Variants in DGKI observed in about 807,000 individuals in gnomAD.
DGKI encodes the protein DAG kinase iota.
A neutral mutation model predicts 147.5 loss-of-function variants in DGKI; 55 were observed. The observed-to-expected ratio is 0.37, with a 90% confidence interval of 0.30 to 0.47. The LOEUF (loss-of-function observed/expected upper bound fraction) is 0.47. DGKI is among the 20% of genes least tolerant of loss of function. The pLI, the probability that DGKI is intolerant of heterozygous loss-of-function variation, is 1.00. For synonymous variants in DGKI, 469 were observed against 477.1 expected (o/e 0.98, Z 0.22); for missense variants, 1,007 against 1,323.8 (o/e 0.76, Z 3.71).
chr7:137,396,459 T>C (rs1811556386), intron 31 of DGKI, among the ~76,000 whole-genome samples: 1 of 152,240 alleles, frequency 6.6e-6, no homozygotes, highest in South Asian at 2.1e-4. Context: ...ACCAAGATGC[T>C]TAACGCCAAA....
chr7:137,401,630 T>G (rs933050865), intron 30 of DGKI, among the ~76,000 whole-genome samples: 2 of 152,214 alleles, frequency 1.3e-5, no homozygotes, highest in Admixed American at 6.5e-5. Context: ...GCAGACACTA[T>G]GCCATCTCCC....
chr7:137,618,908 TA>T (rs747622611), intron 8 of DGKI, among the ~76,000 whole-genome samples: 1 of 152,204 alleles, frequency 6.6e-6, no homozygotes, highest in Non-Finnish European at 1.5e-5. Context: ...CAACAGAGTC[TA>T]AACTTTATAT....
At chr7:137,512,471 TCTAA>T (rs1392390175) in intron 21 of DGKI, among the ~76,000 whole-genome samples, 1 of 152,202 alleles carries the variant, frequency 6.6e-6, no homozygotes, top group East Asian at 1.9e-4. Context: ...CAAAGGGAAG[TCTAA>T]CTACCATCTG....
chr7:137,687,809 T>C (rs142205679), intron 2 of DGKI, among the ~76,000 whole-genome samples: 2 of 152,272 alleles, frequency 1.3e-5, no homozygotes, highest in Non-Finnish European at 2.9e-5. Context: ...CCACCATTGT[T>C]AGATGTCAGC....
chr7:137,502,605 AAAT>A (rs1304203935), intron 21 of DGKI, among the ~76,000 whole-genome samples: 1 of 152,110 alleles, frequency 6.6e-6, no homozygotes. Context: ...ACGTTCACAT[AAAT>A]AATATACCAG....
At position 137,716,909 on chromosome 7, in the gene DGKI, A is replaced by T. The variant is rs572710986; in HGVS notation, c.402-26907T>A. On this transcript the variant is annotated intron_variant, in intron 1 of 32. Coordinates refer to ENST00000614521, the MANE Select transcript of DGKI (RefSeq NM_001321708.2). ...TTTTTCCACCCGTGTTTTTTACTCC[A>T]TTCCTACCTGACTCTTACAGAACTT... is the stretch of plus-strand genomic sequence containing the variant. 2.0e-5 allele frequency among the ~76,000 whole-genome samples: 3 copies of T among 152,302 alleles called. No homozygotes were observed. In the South Asian group the frequency reaches 6.2e-4, roughly 32 times the overall value.
In DGKI at chr7:137,706,499, TATTTTATTTTATTTC is replaced by T. The variant is rs1366798494; in HGVS notation, c.402-16512_402-16498del. Among the ~76,000 whole-genome samples the T allele has an allele frequency of 2.6e-3, 389 of 149,158 alleles. 4 individuals carry two copies. The East Asian group carries it at 0.029, about 11-fold the overall frequency. Reference sequence around the variant, plus strand: ...ATCCTTATTTTATTTTATTTTATTTTATTTTATTTTATTTCATTTTATTTTATTTCATTTTATTTC... The same window carrying T: ...ATCCTTATTTTATTTTATTTTATTTTATTTTATTTTATTTCATTTTATTTC... On this transcript the variant is annotated intron_variant, in intron 1 of 32. Transcript: ENST00000614521.
At chr7:137,395,485 C>G (rs530959056) in intron 32 of DGKI, 113 bp downstream of exon 32, 2 of 947,186 alleles carry the variant, frequency 2.1e-6, no homozygotes, top group Admixed American at 2.2e-5. Flanking sequence ...TTCCAAAGCC[C>G]CAGGCACTTC....
intron 1 of DGKI, among the ~76,000 whole-genome samples, chr7:137,690,215 C>A (rs1392073196): frequency 6.6e-6 from 1 of 152,068 alleles, no homozygotes; most frequent in Non-Finnish European, 1.5e-5. Context: ...GTCAAGGGGA[C>A]CACTGTGGGG....
chr7:137,493,826 G>C (rs779545981), intron 21 of DGKI: 30 of 700,202 alleles, frequency 4.3e-5, no homozygotes, highest in Non-Finnish European at 7.0e-5. Flanking sequence ...TTCTTAACCA[G>C]TCTGAAATAG....
At chr7:137,724,479 T>C (rs1205744319) in intron 1 of DGKI, among the ~76,000 whole-genome samples, 1 of 152,166 alleles carries the variant, frequency 6.6e-6, no homozygotes, top group East Asian at 1.9e-4. Context: ...ATGGCTTGGA[T>C]TGGAGTGGTA....
chr7:137,553,674 T>C (rs776675986), intron 19 of DGKI, among the ~76,000 whole-genome samples: 2 of 152,228 alleles, frequency 1.3e-5, no homozygotes, highest in Non-Finnish European at 2.9e-5. Context: ...AAATATTTTA[T>C]ATACACATGT....
At chr7:137,686,078 T>C (rs1056554050) in intron 2 of DGKI, among the ~76,000 whole-genome samples, 7 of 152,100 alleles carry the variant, frequency 4.6e-5, no homozygotes, top group African/African-American at 1.7e-4. Context: ...CAGAAAACAT[T>C]GCCCCTCCTT....
At chr7:137,621,576 C>T (rs1015408479) in intron 7 of DGKI, among the ~76,000 whole-genome samples, 3 of 152,122 alleles carry the variant, frequency 2.0e-5, no homozygotes, top group East Asian at 1.9e-4. Context: ...ACATATCAAC[C>T]GCTGTAATTT....
chr7:137,665,126 G>T (rs1044021227), intron 3 of DGKI, among the ~76,000 whole-genome samples: 2 of 152,228 alleles, frequency 1.3e-5, no homozygotes, highest in African/African-American at 4.8e-5. Context: ...GCCAGATCAT[G>T]CTGTGTTGCA....
At chr7:137,567,133 G>A (rs2691998) in intron 19 of DGKI, among the ~76,000 whole-genome samples, 16,615 of 151,276 alleles carry the variant, frequency 0.11, 1,317 homozygotes, top group African/African-American at 0.23. Context: ...GTGTGGTGGC[G>A]GGTGCCTGTA....
At chr7:137,434,075 T>C (rs2128912689) in intron 28 of DGKI, among the ~76,000 whole-genome samples, 1 of 149,248 alleles carries the variant, frequency 6.7e-6, no homozygotes, top group African/African-American at 2.5e-5. Flanking sequence ...GCTGAGATCA[T>C]GCCACTGCAC....
intron 21 of DGKI, among the ~76,000 whole-genome samples, chr7:137,488,371 A>G (rs1293555258): frequency 3.3e-5 from 5 of 152,276 alleles, no homozygotes; most frequent in African/African-American, 1.2e-4. Flanking sequence ...GACCTCAGAA[A>G]ACAATAAGAC....
At chr7:137,767,560 G>A (rs10264943) in intron 1 of DGKI, among the ~76,000 whole-genome samples, 1 of 150,852 alleles carries the variant, frequency 6.6e-6, no homozygotes, top group Non-Finnish European at 1.5e-5. Flanking sequence ...GAAGAGAAGA[G>A]AAGAGAAGAG....
Sources: gnomAD v4.1 joint callset for allele counts (sites outside exome capture counted in the v4.1 genomes callset) on GRCh38, gnomAD v4.1.1 for gene constraint, MANE v1.5 for transcripts, NCBI Gene and HGNC (gene_info 2026-07-23, HGNC 2026-07-21) for gene names.